PRKACA: variants seen among roughly 807,000 people sequenced by gnomAD.
The protein encoded by PRKACA is protein kinase cAMP-activated catalytic subunit alpha.
PRKACA carries 9 observed loss-of-function variants against 45.8 expected under a neutral mutation model. The ratio of observed to expected loss-of-function variants is 0.20; its 90% CI spans 0.12 to 0.34. The LOEUF (loss-of-function observed/expected upper bound fraction) is 0.34. Ranked by LOEUF, PRKACA falls within the 10% of genes least tolerant of loss-of-function variation. The pLI is 1.00. For missense variants in PRKACA, 238 were observed against 458.6 expected, an observed-to-expected ratio of 0.52 and a Z score of 4.39; for synonymous variants, 160 against 178.6, an observed-to-expected ratio of 0.90 and a Z score of 0.83.
In PRKACA at chr19:14,107,323, T is replaced by C. The variant is rs185339335; in HGVS notation, c.108+25A>G. ...TGGGGGTTAGCAGCTCACCCCTCCC[T>C]GGGCTCTGCACCCGGCAGCCTTACC... is the stretch of plus-strand genomic sequence containing the variant. On this transcript the variant is annotated intron_variant, in intron 2 of 9. Coordinates refer to ENST00000308677, the MANE Select transcript of PRKACA (RefSeq NM_002730.4). The C allele has an allele frequency of 1.7e-4, 275 of 1,609,214 alleles. 6 individuals carry two copies. The East Asian group carries it at 6.1e-3, about 35-fold the overall frequency.
chr19:14,106,977 GA>G, intron 2 of PRKACA, 89 bp from the exon 3 acceptor site: 1 of 1,549,142 alleles, frequency 6.5e-7, no homozygotes. Context: ...GCCACCGGCA[GA>G]GGGGGCCCCG....
Position 14,107,927 on chromosome 19 carries a change from C to G in PRKACA, c.47-518G>C, listed in dbSNP as rs563023667. The G allele has an allele frequency of 3.0e-6, 3 of 987,200 alleles. No homozygotes were observed. The East Asian group carries it at 3.4e-4, about 112-fold the overall frequency. The allele number at this position is 987,200 out of a possible 1,614,324, so 61.2% of individuals were successfully genotyped here. ...CAAGGGCATTGCTCCAGAGCTGGTT[C>G]AAGGGAAGTCTCGCCCGATGCCCAC... On this transcript the variant is annotated intron_variant, in intron 1 of 9. Coordinates refer to ENST00000308677, the MANE Select transcript of PRKACA (RefSeq NM_002730.4).
intron 1 of PRKACA, chr19:14,108,055 A>C (rs1369081664): frequency 1.0e-6 from 1 of 985,276 alleles, no homozygotes; most frequent in Non-Finnish European, 1.2e-6. Flanking sequence ...GTCTCATCTG[A>C]CTCACTCGGC....
chr19:14,100,906 G>A lies in PRKACA; in HGVS notation c.339C>T (p.Asp113=). ...FLVKLEFSFK[D]NSNLYMVMEY... ...CCATGACCATGTATAAGTTTGAGTT[G>A]TCCTGTGGGAAGCAGTGGCTGGTCA... Residue 113 remains aspartate, a splice_region_variant and synonymous_variant, in exon 5 of 10, where the codon GAC becomes GAT. Coordinates refer to ENST00000308677, the MANE Select transcript of PRKACA (RefSeq NM_002730.4). The A allele has an allele frequency of 6.2e-7, 1 of 1,613,956 alleles. No homozygotes were observed. Among genetic ancestry groups the A allele is most frequent in the Non-Finnish European group, 8.5e-7 (1 of 1,179,822 alleles).
At chr19:14,109,201 G>A (rs1977699230) in intron 1 of PRKACA, among the ~76,000 whole-genome samples, 2 of 151,678 alleles carry the variant, frequency 1.3e-5, no homozygotes, top group Non-Finnish European at 2.9e-5. Context: ...AAAAAAATGA[G>A]GCCAGGCACG....
chr19:14,110,582 G>T (rs1476211092), intron 1 of PRKACA, among the ~76,000 whole-genome samples: 3 of 151,754 alleles, frequency 2.0e-5, no homozygotes, highest in Non-Finnish European at 4.4e-5. Context: ...AAAAAAAAAA[G>T]TAATAATAAA....
intron 3 of PRKACA, among the ~76,000 whole-genome samples, chr19:14,104,060 G>A (rs576331146): frequency 9.2e-5 from 14 of 152,172 alleles, no homozygotes; most frequent in South Asian, 2.1e-4. Context: ...CAACCAGGCC[G>A]GGTACGGTGG....
In PRKACA at chr19:14,117,560, G is replaced by T. The variant is rs1179292159; in HGVS notation, c.-13C>A. 2 of 1,169,428 alleles carry T rather than the reference G, an allele frequency of 1.7e-6. No homozygotes were observed. The highest frequency in any genetic ancestry group is 3.2e-5 in the African/African-American group (2 of 61,806). The allele number at this position is 1,169,428 out of a possible 1,614,324, so 72.4% of individuals were successfully genotyped here. On this transcript the variant is annotated 5_prime_UTR_variant, in exon 1 of 10. Coordinates refer to ENST00000308677, the MANE Select transcript of PRKACA (RefSeq NM_002730.4). ...CGGCGTTGCCCATCGCGGCGGCGGCGGCCGGGGCCGGTCCCGGAGCTGCGG... is the reference window on the plus strand; with the variant it reads ...CGGCGTTGCCCATCGCGGCGGCGGCTGCCGGGGCCGGTCCCGGAGCTGCGG...
intron 8 of PRKACA, among the ~76,000 whole-genome samples, chr19:14,095,059 C>G (rs538713216): frequency 6.6e-6 from 1 of 152,276 alleles, no homozygotes; most frequent in South Asian, 2.1e-4. Flanking sequence ...ACTGACGGTG[C>G]GGGGGAACTA....
At chr19:14,094,252 G>C (rs1426917686) in intron 8 of PRKACA, among the ~76,000 whole-genome samples, 1 of 149,440 alleles carries the variant, frequency 6.7e-6, no homozygotes, top group African/African-American at 2.5e-5. Flanking sequence ...GCAGTGGTGC[G>C]ATCTGGGCTC....
Position 14,097,262 on chromosome 19 carries a change from GATT to G in PRKACA, c.765+96_765+98del. ...CCTGGCCTGACTTAAGGAACTTCTA[GATT>G]ATTCTGACAACAAGCAGGGCTCCCC... On this transcript the variant is annotated intron_variant, in intron 8 of 9. Coordinates refer to ENST00000308677, the MANE Select transcript of PRKACA (RefSeq NM_002730.4). This position sits in a 1 kb window ranked among gnomAD's most constrained non-coding sequence, Gnocchi z 5.4. The G allele has an allele frequency of 6.3e-7, 1 of 1,579,328 alleles. No homozygotes were observed. The highest frequency in any genetic ancestry group is 8.7e-7 in the Non-Finnish European group (1 of 1,153,814).
intron 5 of PRKACA, chr19:14,098,127 G>A (rs1191953797): frequency 4.1e-6 from 2 of 486,048 alleles, no homozygotes; most frequent in South Asian, 5.3e-5. Flanking sequence ...CACCACCACC[G>A]CCAACAGGAC....
intron 2 of PRKACA, among the ~76,000 whole-genome samples, chr19:14,107,142 T>A (rs1370348549): frequency 1.0e-4 from 1 of 9,670 alleles, no homozygotes; most frequent in East Asian, 1.5e-3. Context: ...GGCGGGCCGT[T>A]GGGAGGGGTG....
chr19:14,107,847 G>A (rs1460829225), intron 1 of PRKACA: 32 of 994,806 alleles, frequency 3.2e-5, no homozygotes, highest in Non-Finnish European at 3.6e-5. Context: ...TGCCCTTGGG[G>A]GGCTCAGCTG....
Position 14,093,466 on chromosome 19 carries a change from C to G in PRKACA, c.930+162G>C, listed in dbSNP as rs555769011. Among the ~76,000 whole-genome samples the G allele has an allele frequency of 5.9e-5, 9 of 152,250 alleles. No homozygotes were observed. The South Asian group carries it at 1.2e-3, about 21-fold the overall frequency. ...TCTGTTGCACAAGGTCATGGAATGGCCAAATGACCCCAGAATCCCATTTCT... is the reference window on the plus strand; with the variant it reads ...TCTGTTGCACAAGGTCATGGAATGGGCAAATGACCCCAGAATCCCATTTCT... On this transcript the variant is annotated intron_variant, in intron 9 of 9. Coordinates refer to ENST00000308677, the MANE Select transcript of PRKACA (RefSeq NM_002730.4).
chr19:14,117,215 G>A (rs1475827136), intron 1 of PRKACA, among the ~76,000 whole-genome samples: 2 of 151,902 alleles, frequency 1.3e-5, no homozygotes, highest in Non-Finnish European at 2.9e-5. Flanking sequence ...GTAGGCTGGT[G>A]ACAGGGGCCC....
chr19:14,106,801 T>G lies in PRKACA; in HGVS notation c.196A>C (p.Thr66Pro), dbSNP rs201769960. Residue 66 changes from threonine to proline, a missense_variant, in exon 3 of 10, where the codon ACC becomes CCC. Around this residue, in one of 3 missense-constraint regions of PRKACA, gnomAD observed 93 missense variants for 149.1 expected, o/e 0.62. Coordinates refer to ENST00000308677, the MANE Select transcript of PRKACA (RefSeq NM_002730.4). ...GRVMLVKHKE[T>P]GNHYAMKILD... ...ATCTTCATGGCATAGTGGTTCCCGG[T>G]CTCCTTGTGTTTCACCAGCATCACC... 9 of 1,614,126 alleles carry G rather than the reference T, an allele frequency of 5.6e-6. No individual in the cohort carries two copies. The highest frequency in any genetic ancestry group is 7.6e-6 in the Non-Finnish European group (9 of 1,180,012).
chr19:14,098,044 C>T (rs1977316012), intron 5 of PRKACA, 154 bp from the exon 6 acceptor site: 3 of 907,008 alleles, frequency 3.3e-6, no homozygotes, highest in Non-Finnish European at 5.0e-6. Context: ...ACATGGGAAA[C>T]AGCCTGTGGG....
At position 14,093,146 on chromosome 19, in the gene PRKACA, T is replaced by C. The variant is rs775739774; in HGVS notation, c.1022A>G (p.Asn341Ser). ...AGAAAACTCCTTGCCACACTTCTCA[T>C]TGATGGAGACCCGGATTTCTTCTTC... ...YEEEEIRVSI[N>S]EKCGKEFSEF The change falls in exon 10 of 10, where the codon AAT becomes AGT. Residue 341 changes from asparagine (N) to serine (S), a missense_variant. Asn to Ser is a conservative substitution (Grantham distance 46). Around this residue, in one of 3 missense-constraint regions of PRKACA, gnomAD observed 51 missense variants for 68.6 expected, o/e 0.74. Transcript: ENST00000308677. The C allele has an allele frequency of 7.5e-6, 12 of 1,610,290 alleles. No homozygotes were observed. The highest frequency in any genetic ancestry group is 1.7e-4 in the Middle Eastern group (1 of 6,040).
Sources: gnomAD v4.1 joint callset for allele counts (sites outside exome capture counted in the v4.1 genomes callset) on GRCh38, gnomAD v4.1.1 for gene constraint, gnomAD v4.1.1 regional missense constraint, Gnocchi (gnomAD v3.1) non-coding constraint, MANE v1.5 for transcripts, NCBI Gene and HGNC (gene_info 2026-07-23, HGNC 2026-07-21) for gene names.